Variants in ZNF695 observed in about 807,000 individuals in gnomAD.
ZNF695 encodes zinc finger protein 695.
ZNF695 carries 11 observed loss-of-function variants against 11.2 expected under a neutral mutation model. That is an observed-to-expected ratio of 0.98 (90% CI 0.62 to 1.62). The LOEUF (loss-of-function observed/expected upper bound fraction) is 1.62, where lower values mean the gene tolerates loss of function less well. Among genes scored for constraint, ZNF695 ranks in the 40% most tolerant of loss-of-function variants. The pLI is 0.00. For synonymous variants in ZNF695, 190 were observed against 201.4 expected (o/e 0.94, Z 0.48); for missense variants, 559 against 590.5 (o/e 0.95, Z 0.55).
chr1:246,978,435 T>G (rs1372733878), intron 4 of ZNF695, among the ~76,000 whole-genome samples: 3 of 152,240 alleles, frequency 2.0e-5, no homozygotes, highest in Non-Finnish European at 4.4e-5. Context: ...TGATAAAATG[T>G]TCAATAAATT....
chr1:246,987,053 T>G lies in ZNF695; in HGVS notation c.1462A>C (p.Arg488=). Residue 488 remains arginine (R), a synonymous_variant, in exon 4 of 4, where the codon AGA becomes CGA. Transcript: ENST00000339986. ...TCCTCACACTTGTATGGTTTCTCTC[T>G]GGTATGAATTGTCTTATGTTTAGAA... The part of the protein sequence containing the change: ...HLSKHKTIHT[R]EKPYKCEECG... 6.2e-7 allele frequency: 1 copy of G among 1,612,204 alleles called. No homozygotes were observed. The highest frequency in any genetic ancestry group is 8.5e-7 in the Non-Finnish European group (1 of 1,179,344).
chr1:246,993,864 T>C (rs1669114962), intron 3 of ZNF695, among the ~76,000 whole-genome samples: 1 of 152,156 alleles, frequency 6.6e-6, no homozygotes, highest in Admixed American at 6.5e-5. Flanking sequence ...AAGTCATCAG[T>C]AGACCTATAC....
Position 246,945,741 on chromosome 1 carries a change from C to A in ZNF695, c.*56G>T, listed in dbSNP as rs773135492. 6 of 1,546,818 alleles carry A rather than the reference C, an allele frequency of 3.9e-6. No homozygotes were observed. In the Admixed American group the frequency reaches 9.8e-5, roughly 25 times the overall value. On this transcript the variant is annotated 3_prime_UTR_variant, in exon 6 of 6. Transcript: ENST00000487338. Reference sequence around the variant, plus strand: ...CTGGACCCGGTGTAAATTCGCCTCACGGAGCAGGGAGTCCAGGCACTGTGT... The same window carrying A: ...CTGGACCCGGTGTAAATTCGCCTCAAGGAGCAGGGAGTCCAGGCACTGTGT...
intron 4 of ZNF695, among the ~76,000 whole-genome samples, chr1:246,972,606 C>T (rs1446403030): frequency 1.3e-5 from 2 of 152,116 alleles, no homozygotes; most frequent in Admixed American, 6.5e-5. Flanking sequence ...CTGCAACCTC[C>T]ACCTCCCGGG....
At chr1:246,973,338 C>T (rs1427279749) in intron 4 of ZNF695, among the ~76,000 whole-genome samples, 8 of 152,162 alleles carry the variant, frequency 5.3e-5, no homozygotes, top group South Asian at 2.1e-4. Context: ...CATGAGCCAC[C>T]GTGCCCGGCC....
intron 3 of ZNF695, among the ~76,000 whole-genome samples, chr1:246,991,008 A>T (rs1439763292): frequency 6.6e-6 from 1 of 152,182 alleles, no homozygotes; most frequent in Non-Finnish European, 1.5e-5. Flanking sequence ...AAAAAGAGGG[A>T]AAACTTCAAC....
chr1:246,979,491 G>A (rs1239055370), intron 4 of ZNF695, among the ~76,000 whole-genome samples: 11 of 151,992 alleles, frequency 7.2e-5, no homozygotes, highest in East Asian at 1.9e-4. Context: ...ATCATACCAC[G>A]GGCACTACAG....
chr1:246,981,842 G>A (rs964963033), downstream of ZNF695, among the ~76,000 whole-genome samples: 2 of 152,210 alleles, frequency 1.3e-5, no homozygotes, highest in South Asian at 4.1e-4. Context: ...TCTCTGAGAT[G>A]TCTTTAGAGT....
chr1:246,966,391 G>T (rs1290243582), intron 5 of ZNF695, among the ~76,000 whole-genome samples: 1 of 152,158 alleles, frequency 6.6e-6, no homozygotes, highest in African/African-American at 2.4e-5. Flanking sequence ...TGAGGCAGGA[G>T]AATTACTTGA....
intron 5 of ZNF695, among the ~76,000 whole-genome samples, chr1:246,964,752 T>C (rs1233216142): frequency 6.6e-6 from 1 of 152,082 alleles, no homozygotes; most frequent in African/African-American, 2.4e-5. Flanking sequence ...ATGCCTGTAA[T>C]CCCAGCTACT....
intron 1 of ZNF695, among the ~76,000 whole-genome samples, chr1:247,006,551 A>G (rs1669546938): frequency 6.6e-6 from 1 of 152,242 alleles, no homozygotes; most frequent in Admixed American, 6.5e-5. Context: ...TGGAGGTTGC[A>G]GTGAGCCCAG....
At chr1:246,989,997 T>C (rs1283717946) in intron 3 of ZNF695, among the ~76,000 whole-genome samples, 1 of 120,588 alleles carries the variant, frequency 8.3e-6, no homozygotes, top group Non-Finnish European at 1.7e-5. Context: ...TGAGACCCCA[T>C]CTTGAAAGGG....
intron 3 of ZNF695, among the ~76,000 whole-genome samples, chr1:246,992,626 T>A (rs924188989): frequency 6.6e-6 from 1 of 152,242 alleles, no homozygotes; most frequent in African/African-American, 2.4e-5. Flanking sequence ...TTATTTTGCA[T>A]TGCATGCTTG....
downstream of ZNF695, among the ~76,000 whole-genome samples, chr1:246,985,145 T>C (rs1436521357): frequency 6.6e-6 from 1 of 152,216 alleles, no homozygotes; most frequent in East Asian, 1.9e-4. Context: ...CATTACTTGC[T>C]TCATAACTGT....
intron 5 of ZNF695, among the ~76,000 whole-genome samples, chr1:246,962,435 G>A (rs926892653): frequency 6.6e-6 from 1 of 152,196 alleles, no homozygotes; most frequent in Non-Finnish European, 1.5e-5. Context: ...CCTCACAGAC[G>A]ATTTGTTTAC....
downstream of ZNF695, among the ~76,000 whole-genome samples, chr1:246,980,478 G>A (rs953484164): frequency 3.4e-5 from 5 of 148,736 alleles, no homozygotes; most frequent in African/African-American, 5.0e-5. Flanking sequence ...GTGCAGTGGC[G>A]CGATCTCAGT....
rs568807240 is a variant in ZNF695 at position 246,977,371 on chromosome 1, T to C, written c.391-9579A>G. Among the ~76,000 whole-genome samples the C allele has an allele frequency of 7.9e-5, 12 of 152,304 alleles. No individual in the cohort carries two copies. The South Asian group carries it at 8.3e-4, about 11-fold the overall frequency. On this transcript the variant is annotated intron_variant, in intron 4 of 5. Coordinates refer to the ZNF695 transcript ENST00000487338. ...TCCTGGGTTCAAGCGATTCTCCTGC[T>C]TCAGCCTCCTGAGTAGCTGAGACTA...
chr1:246,958,944 G>A (rs1369515718), intron 5 of ZNF695, among the ~76,000 whole-genome samples: 1 of 151,948 alleles, frequency 6.6e-6, no homozygotes, highest in African/African-American at 2.4e-5. Flanking sequence ...AGATGTCAAT[G>A]AATCAGATAC....
intron 3 of ZNF695, among the ~76,000 whole-genome samples, chr1:246,997,929 A>G (rs1398274751): frequency 6.6e-6 from 1 of 152,196 alleles, no homozygotes; most frequent in Non-Finnish European, 1.5e-5. Context: ...AAGGGCACAA[A>G]CTTTCAGTTA....
Sources: allele counts gnomAD v4.1 joint callset (sites outside exome capture counted in the v4.1 genomes callset), GRCh38; gene constraint gnomAD v4.1.1; transcripts MANE v1.5; gene names NCBI Gene and HGNC (gene_info 2026-07-23, HGNC 2026-07-21).